Variants in EIF4E3 observed in about 807,000 individuals in gnomAD.
EIF4E3 encodes the protein eukaryotic translation initiation factor 4E type 3.
A neutral mutation model predicts 31.7 loss-of-function variants in EIF4E3; 26 were observed. The ratio of observed to expected loss-of-function variants is 0.82; its 90% CI spans 0.60 to 1.14. The LOEUF is 1.14. Among genes scored for constraint, EIF4E3 ranks in the 50% most tolerant of loss-of-function variants. EIF4E3 has a pLI of 0.00. For missense variants in EIF4E3, 304 were observed against 270.9 expected (o/e 1.12, Z -0.86); for synonymous variants, 128 against 107.7 (o/e 1.19, Z -1.17).
At chr3:71,674,880 T>C (rs78735406), downstream of EIF4E3, among the ~76,000 whole-genome samples, 2 of 152,292 alleles carry the variant, frequency 1.3e-5, no homozygotes, top group Admixed American at 6.5e-5. Context: ...GGCTCAGATA[T>C]GTTGAGGGAC....
At chr3:71,754,388 G>A (rs1460561143), upstream of EIF4E3, 10 of 1,345,868 alleles carry the variant, frequency 7.4e-6, no homozygotes, top group African/African-American at 1.5e-5. The surrounding 1 kb of genome is among the most constrained non-coding windows in gnomAD (Gnocchi z 5.8). Context: ...CCTTCCTGCT[G>A]CTGGGCGTGG....
intron 5 of EIF4E3, among the ~76,000 whole-genome samples, chr3:71,691,583 T>A (rs2049064181): frequency 1.3e-5 from 2 of 152,178 alleles, no homozygotes; most frequent in Admixed American, 6.5e-5. Context: ...GCAGGGGGGA[T>A]CCTGGCGGGC....
At chr3:71,697,532 T>C (rs537863465) in intron 3 of EIF4E3, among the ~76,000 whole-genome samples, 1 of 152,196 alleles carries the variant, frequency 6.6e-6, no homozygotes, top group Non-Finnish European at 1.5e-5. Flanking sequence ...ACTGTATTTT[T>C]GTACCCATTA....
At chr3:71,727,615 C>A (rs569659206), upstream of EIF4E3, among the ~76,000 whole-genome samples, 1 of 152,274 alleles carries the variant, frequency 6.6e-6, no homozygotes, top group East Asian at 1.9e-4. Flanking sequence ...TTGTTGGCTG[C>A]ATTTAAAAAT....
At chr3:71,689,801 G>T (rs570439263) in intron 6 of EIF4E3, among the ~76,000 whole-genome samples, 113 of 150,840 alleles carry the variant, frequency 7.5e-4, no homozygotes, top group African/African-American at 2.2e-3. Flanking sequence ...GATCCACGCA[G>T]TTAGGCAAGA....
chr3:71,735,330 C>T (rs2049751604), intron 1 of EIF4E3, among the ~76,000 whole-genome samples: 1 of 152,018 alleles, frequency 6.6e-6, no homozygotes, highest in South Asian at 2.1e-4. Context: ...AATAAAAAGA[C>T]ATAAAACGAA....
intron 2 of EIF4E3, among the ~76,000 whole-genome samples, chr3:71,700,661 A>G (rs893211472): frequency 6.6e-6 from 1 of 151,308 alleles, no homozygotes; most frequent in Non-Finnish European, 1.5e-5. Context: ...ACAAGCCTGG[A>G]AGAAGTCTGT....
rs1359570883 is a variant in EIF4E3, at chr3:71,690,056, G to C, written c.582C>G (p.Ile194Met). Residue 194 changes from isoleucine to methionine, a missense_variant, in exon 6 of 7, where the codon ATC becomes ATG. Coordinates refer to ENST00000425534, the MANE Select transcript of EIF4E3 (RefSeq NM_001134651.2). ...LVGEATVLEKIYELLPHITFK... is the reference protein window; with the variant it reads ...LVGEATVLEKMYELLPHITFK... ...AAGTTATGTGGGGCAGAAGTTCATAGATCTTTTCTAAAACAGTCGCTTCAC... is the reference window on the plus strand; with the variant it reads ...AAGTTATGTGGGGCAGAAGTTCATACATCTTTTCTAAAACAGTCGCTTCAC... 6.2e-7 allele frequency: 1 copy of C among 1,613,604 alleles called. No homozygotes were observed. The highest frequency in any genetic ancestry group is 8.5e-7 in the Non-Finnish European group (1 of 1,179,862).
chr3:71,670,627 T>C (rs1448298760), downstream of EIF4E3, among the ~76,000 whole-genome samples: 2 of 152,196 alleles, frequency 1.3e-5, no homozygotes, highest in Non-Finnish European at 2.9e-5. Flanking sequence ...ATGGGGGTCT[T>C]TGTGGAAATT....
chr3:71,674,059 T>C (rs1167818312), downstream of EIF4E3, among the ~76,000 whole-genome samples: 1 of 147,040 alleles, frequency 6.8e-6, no homozygotes, highest in African/African-American at 2.5e-5. Context: ...TGAGAATTTG[T>C]TCAGCCTCTA....
rs1397218256 is a variant in EIF4E3, at chr3:71,710,377, C to T, written c.249+35G>A. ...GGGTGATTAGGTGTCTGACGTGTGCCGTGTTAATCCAGTTAGTCCCTCTCT... is the reference window on the plus strand; with the variant it reads ...GGGTGATTAGGTGTCTGACGTGTGCTGTGTTAATCCAGTTAGTCCCTCTCT... On this transcript the variant is annotated intron_variant, in intron 2 of 6. Coordinates refer to ENST00000425534, the MANE Select transcript of EIF4E3 (RefSeq NM_001134651.2). 9.7e-6 allele frequency: 15 copies of T among 1,543,982 alleles called. No homozygotes were observed. In the East Asian group the frequency reaches 2.0e-4, roughly 20 times the overall value.
chr3:71,669,573 A>G, the EIF4E3 span, among the ~76,000 whole-genome samples: 1 of 152,136 alleles, frequency 6.6e-6, no homozygotes. Flanking sequence ...ATGGCTATTG[A>G]GATTTGTTAG....
intron 1 of EIF4E3, among the ~76,000 whole-genome samples, chr3:71,716,256 G>A (rs1032348147): frequency 1.3e-5 from 2 of 151,554 alleles, no homozygotes; most frequent in Admixed American, 6.6e-5. Context: ...TTTTGGAGAC[G>A]GAGTCTCGCT....
chr3:71,678,125 TG>T lies in EIF4E3; in HGVS notation c.*6556del, dbSNP rs1284758130. The T allele has an allele frequency of 6.6e-6, 1 of 152,182 alleles. No individual in the cohort carries two copies. Among genetic ancestry groups the T allele is most frequent in the Non-Finnish European group, 1.5e-5 (1 of 68,016 alleles). 9.4% of individuals were successfully genotyped at this position (152,182 alleles called of 1,614,324 possible). A position where few individuals can be genotyped will look rare whatever the true frequency, so the allele number is the denominator to read the frequency against. ...TTGGACAGAAACTTTTAATATGTGT[TG>T]TAATAAACAAGGTTATTCTAATCAC... is the stretch of plus-strand genomic sequence containing the variant. On this transcript the variant is annotated 3_prime_UTR_variant, in exon 7 of 7. Transcript: ENST00000425534.
chr3:71,701,729 T>G (rs1003725689), intron 2 of EIF4E3, among the ~76,000 whole-genome samples: 2 of 152,084 alleles, frequency 1.3e-5, no homozygotes, highest in Non-Finnish European at 2.9e-5. Flanking sequence ...TGTTTTGTGT[T>G]AAAAAAATAA....
chr3:71,679,324 T>C lies in EIF4E3; in HGVS notation c.*5358A>G, dbSNP rs184704876. ...GTTCTATAATGCAAAGTTGACACTTTAATAGATCCGAAATAAACATCTGTT... is the reference window on the plus strand; with the variant it reads ...GTTCTATAATGCAAAGTTGACACTTCAATAGATCCGAAATAAACATCTGTT... On this transcript the variant is annotated 3_prime_UTR_variant, in exon 7 of 7. Coordinates refer to ENST00000425534, the MANE Select transcript of EIF4E3 (RefSeq NM_001134651.2). 6 of 152,320 alleles carry C rather than the reference T, an allele frequency of 3.9e-5. 1 individual carries two copies. The highest frequency in any genetic ancestry group is 7.4e-5 in the Non-Finnish European group (5 of 68,020). 9.4% of individuals were successfully genotyped at this position (152,320 alleles called of 1,614,324 possible). A position where few individuals can be genotyped will look rare whatever the true frequency, so the allele number is the denominator to read the frequency against.
chr3:71,747,790 T>G (rs941552753), intron 1 of EIF4E3, among the ~76,000 whole-genome samples: 1 of 152,212 alleles, frequency 6.6e-6, no homozygotes, highest in African/African-American at 2.4e-5. Context: ...TTGAATTTTT[T>G]AAAATATATG....
chr3:71,741,192 G>GCACACA (rs1284183116), intron 1 of EIF4E3, among the ~76,000 whole-genome samples: 1 of 125,848 alleles, frequency 7.9e-6, no homozygotes, highest in South Asian at 2.4e-4. Flanking sequence ...GCACATGCAC[G>GCACACA]CGCACACACA....
At chr3:71,754,192 G>A (rs1210824505), upstream of EIF4E3, 6 of 1,421,716 alleles carry the variant, frequency 4.2e-6, no homozygotes, top group South Asian at 2.5e-5. This position sits in a 1 kb window ranked among gnomAD's most constrained non-coding sequence, Gnocchi z 5.8. Context: ...CGGGAGCGCA[G>A]CCTGCACCGC....
Sources: allele counts gnomAD v4.1 joint callset (sites outside exome capture counted in the v4.1 genomes callset), GRCh38; gene constraint gnomAD v4.1.1; non-coding constraint Gnocchi (gnomAD v3.1); transcripts MANE v1.5; gene names NCBI Gene and HGNC (gene_info 2026-07-23, HGNC 2026-07-21).